SPON1: variants seen among roughly 807,000 people sequenced by gnomAD.
SPON1 encodes spondin-1.
A neutral mutation model predicts 111.7 loss-of-function variants in SPON1; 52 were observed. The observed-to-expected ratio is 0.47, with a 90% CI of 0.37 to 0.59. SPON1 has a LOEUF of 0.59. Among genes scored for constraint, SPON1 ranks in the 20% least tolerant of loss-of-function variants. The probability of loss-of-function intolerance (pLI) is 0.00; values close to 1 mark genes in which losing one functional copy is unlikely to be tolerated. For missense variants in SPON1, 957 were observed against 1,068.5 expected (o/e 0.90, Z 1.46); for synonymous variants, 410 against 395.8 (o/e 1.04, Z -0.43).
chr11:14,244,335 T>C (rs1207378681), intron 7 of SPON1, among the ~76,000 whole-genome samples: 1 of 152,024 alleles, frequency 6.6e-6, no homozygotes, highest in African/African-American at 2.4e-5. Context: ...CTGGCCAACA[T>C]GGTGAAACTC....
chr11:14,008,309 C>T (rs1349596045), intron 2 of SPON1, among the ~76,000 whole-genome samples: 1 of 152,054 alleles, frequency 6.6e-6, no homozygotes, highest in African/African-American at 2.4e-5. Context: ...CCGACAAATA[C>T]CAAGGAATGA....
chr11:14,123,637 G>A (rs782396518), intron 5 of SPON1, among the ~76,000 whole-genome samples: 1 of 152,178 alleles, frequency 6.6e-6, no homozygotes, highest in Admixed American at 6.5e-5. Flanking sequence ...TTTGGTCAAA[G>A]ATTTAAGGGG....
intron 6 of SPON1, among the ~76,000 whole-genome samples, chr11:14,161,877 G>C (rs118110568): frequency 2.2e-4 from 33 of 151,978 alleles, no homozygotes; most frequent in Non-Finnish European, 3.5e-4. Flanking sequence ...TCCACACCAG[G>C]TGTGGTGGCT....
intron 6 of SPON1, among the ~76,000 whole-genome samples, chr11:14,209,930 C>T (rs1254420769): frequency 2.6e-5 from 4 of 152,128 alleles, no homozygotes; most frequent in African/African-American, 4.8e-5. Context: ...CTGTTGTTTC[C>T]TGACTTTTTA....
intron 6 of SPON1, among the ~76,000 whole-genome samples, chr11:14,163,401 CTGG>C (rs782369623): frequency 6.6e-6 from 1 of 152,152 alleles, no homozygotes; most frequent in Non-Finnish European, 1.5e-5. Context: ...AACTTGGGGG[CTGG>C]TGGTGGGCTC....
chr11:14,026,111 T>A (rs1848516170), intron 2 of SPON1, among the ~76,000 whole-genome samples: 1 of 152,196 alleles, frequency 6.6e-6, no homozygotes, highest in Non-Finnish European at 1.5e-5. Flanking sequence ...TCCAGCTCAA[T>A]TGCCTCCCTA....
At chr11:14,039,955 C>T (rs1198416492) in intron 2 of SPON1, among the ~76,000 whole-genome samples, 1 of 152,002 alleles carries the variant, frequency 6.6e-6, no homozygotes, top group Non-Finnish European at 1.5e-5. Flanking sequence ...AATGTAGTAA[C>T]ATTAAAATAA....
intron 1 of SPON1, among the ~76,000 whole-genome samples, chr11:13,982,135 A>C (rs948820710): frequency 1.5e-4 from 23 of 152,118 alleles, no homozygotes; most frequent in Admixed American, 9.8e-4. Context: ...TTGATTTCCT[A>C]CTGTGCCTAA....
intron 5 of SPON1, among the ~76,000 whole-genome samples, chr11:14,131,025 G>T (rs2133858586): frequency 6.6e-6 from 1 of 152,282 alleles, no homozygotes; most frequent in South Asian, 2.1e-4. Flanking sequence ...GTTAACTATT[G>T]TTATGTCATT....
In SPON1 at chr11:14,159,845, C is replaced by A. The variant is rs79243850; in HGVS notation, c.825+24277C>A. Among the ~76,000 whole-genome samples the A allele has an allele frequency of 3.4e-4, 47 of 137,866 alleles. No individual in the cohort carries two copies. The East Asian group carries it at 9.4e-3, about 28-fold the overall frequency. The allele number at this position is 137,866 out of a possible 152,430, so 90.4% of individuals were successfully genotyped here. ...AGATCTAAAAATCAAAACAATTGAACTCCTGGACTTAGAGATTAGAAGGAT... is the reference window on the plus strand; with the variant it reads ...AGATCTAAAAATCAAAACAATTGAAATCCTGGACTTAGAGATTAGAAGGAT... On this transcript the variant is annotated intron_variant, in intron 6 of 15. Coordinates refer to ENST00000576479, the MANE Select transcript of SPON1 (RefSeq NM_006108.4).
At chr11:14,009,958 T>C (rs1223970076) in intron 2 of SPON1, among the ~76,000 whole-genome samples, 1 of 152,184 alleles carries the variant, frequency 6.6e-6, no homozygotes, top group African/African-American at 2.4e-5. Flanking sequence ...GAGGGGGCTG[T>C]CAACATTCAG....
intron 6 of SPON1, among the ~76,000 whole-genome samples, chr11:14,215,573 G>T (rs1848618116): frequency 6.6e-6 from 1 of 152,170 alleles, no homozygotes; most frequent in South Asian, 2.1e-4. Flanking sequence ...AGCTGCCAGT[G>T]TCTTAAGGCC....
rs913692592 is a variant in SPON1 at position 14,253,750 on chromosome 11, A to G, written c.891-778A>G. Among the ~76,000 whole-genome samples, 3 of 152,374 alleles carry G rather than the reference A, an allele frequency of 2.0e-5. No individual in the cohort carries two copies. The East Asian group carries it at 5.8e-4, about 29-fold the overall frequency. ...CCCTCCTAGCTGTGTCTATTAGTTC[A>G]TTAACCACTTATTCACTTTCATGGC... On this transcript the variant is annotated intron_variant, in intron 7 of 15. Coordinates refer to ENST00000576479, the MANE Select transcript of SPON1 (RefSeq NM_006108.4).
chr11:14,070,710 A>G (rs1848868751), intron 3 of SPON1, among the ~76,000 whole-genome samples: 1 of 152,124 alleles, frequency 6.6e-6, no homozygotes, highest in Non-Finnish European at 1.5e-5. Flanking sequence ...TCCCGGGAGC[A>G]GGGACCCCAG....
intron 3 of SPON1, among the ~76,000 whole-genome samples, chr11:14,060,113 T>A (rs1848780254): frequency 6.6e-6 from 1 of 152,204 alleles, no homozygotes; most frequent in Admixed American, 6.5e-5. Context: ...CCCCAACTAC[T>A]TTTGCTAGGT....
intron 2 of SPON1, among the ~76,000 whole-genome samples, chr11:14,032,596 TATC>T (rs1848567300): frequency 6.6e-6 from 1 of 152,210 alleles, no homozygotes; most frequent in African/African-American, 2.4e-5. Context: ...AGATGGATAT[TATC>T]ATCCTCATTT....
Position 14,135,302 on chromosome 11 carries a change from AGGTGCTT to A in SPON1, c.677-117_677-111del. ...AATGGCACAGGGCCTAAGACAGAAT[AGGTGCTT>A]AGTCAGTGCTCTTTGAATCGATGTC... On this transcript the variant is annotated intron_variant, in intron 5 of 15. Transcript: ENST00000576479. The surrounding 1 kb of genome is among the most constrained non-coding windows in gnomAD (Gnocchi z 4.4). 8.8e-7 allele frequency: 1 copy of A among 1,142,654 alleles called. No individual in the cohort carries two copies. The highest frequency in any genetic ancestry group is 1.3e-6 in the Non-Finnish European group (1 of 798,594). 70.8% of individuals were successfully genotyped at this position (1,142,654 alleles called of 1,614,324 possible).
Position 14,131,721 on chromosome 11 carries a change from G to A in SPON1, c.677-3699G>A, listed in dbSNP as rs1480227510. Among the ~76,000 whole-genome samples the A allele has an allele frequency of 2.6e-5, 4 of 152,308 alleles. No individual in the cohort carries two copies. The East Asian group carries it at 7.7e-4, about 29-fold the overall frequency. ...TTAAAGGGAAACTGAGGCTCTGAGA[G>A]ATTGAATGACTGGTTTGTGGTTATA... On this transcript the variant is annotated intron_variant, in intron 5 of 15. Transcript: ENST00000576479.
chr11:14,255,202 C>G (rs918376522), intron 8 of SPON1, among the ~76,000 whole-genome samples: 9 of 152,240 alleles, frequency 5.9e-5, no homozygotes, highest in African/African-American at 1.9e-4. Flanking sequence ...GCCAGTTACA[C>G]TCCTCCAAGT....
Sources: gnomAD v4.1 joint callset for allele counts (sites outside exome capture counted in the v4.1 genomes callset) on GRCh38, gnomAD v4.1.1 for gene constraint, Gnocchi (gnomAD v3.1) non-coding constraint, MANE v1.5 for transcripts, NCBI Gene and HGNC (gene_info 2026-07-23, HGNC 2026-07-21) for gene names.